The following ANO7 variants were observed in gnomAD, a reference collection of about 807,000 sequenced individuals.
ANO7 encodes the protein anoctamin-7.
ANO7 carries 114 observed loss-of-function variants against 115.8 expected under a neutral mutation model. The observed-to-expected ratio is 0.98, with a 90% CI of 0.85 to 1.15. ANO7 has a LOEUF of 1.15. Ranked by LOEUF, ANO7 falls within the 50% of genes most tolerant of loss-of-function variation. The probability of loss-of-function intolerance (pLI) is 0.00; values close to 1 mark genes in which losing one functional copy is unlikely to be tolerated. For missense variants in ANO7, 1,302 were observed against 1,201.2 expected, an observed-to-expected ratio of 1.08 and a Z score of -1.24; for synonymous variants, 550 against 498.2, an observed-to-expected ratio of 1.10 and a Z score of -1.38.
At chr2:241,230,139 CCA>C (rs755268362), downstream of ANO7, 14 of 1,604,784 alleles carry the variant, frequency 8.7e-6, no homozygotes, top group South Asian at 1.1e-5. This position sits in a 1 kb window ranked among gnomAD's most constrained non-coding sequence, Gnocchi z 5.0. Context: ...GCTCCAAGGC[CCA>C]CAGAGACTCA....
the ANO7 span, among the ~76,000 whole-genome samples, chr2:241,234,429 C>T: frequency 6.6e-6 from 1 of 152,346 alleles, no homozygotes; most frequent in South Asian, 2.1e-4. Flanking sequence ...CTGCAGGAGA[C>T]AACCCAGAGT....
At chr2:241,196,284 TC>T in intron 4 of ANO7, 1 of 643,702 alleles carries the variant, frequency 1.6e-6, no homozygotes, top group Non-Finnish European at 2.0e-6. Context: ...AAGCAACAGG[TC>T]CGGGGAGCGT....
chr2:241,234,648 G>A, the ANO7 span, among the ~76,000 whole-genome samples: 15 of 152,198 alleles, frequency 9.9e-5, no homozygotes, highest in East Asian at 3.8e-4. Context: ...GAGGCTGGGC[G>A]TCTGCAGCGC....
At chr2:241,199,051 G>A (rs2149142633) in intron 4 of ANO7, 1 of 456,734 alleles carries the variant, frequency 2.2e-6, no homozygotes, top group Non-Finnish European at 4.1e-6. Flanking sequence ...AGGGGAGGCT[G>A]CAGGTGACGC....
chr2:241,214,363 G>A (rs779441693), intron 17 of ANO7, among the ~76,000 whole-genome samples: 8 of 152,194 alleles, frequency 5.3e-5, no homozygotes, highest in Non-Finnish European at 1.0e-4. Context: ...CCATCTGGAG[G>A]GAAGGTGCCC....
At chr2:241,235,193 A>G in the ANO7 span, 1 of 1,614,190 alleles carries the variant, frequency 6.2e-7, no homozygotes, top group East Asian at 2.2e-5. Context: ...CCAAATTTGC[A>G]GCGAGGCCCG....
chr2:241,217,541 A>G, intron 19 of ANO7, 145 bp from the exon 20 acceptor site: 1 of 952,896 alleles, frequency 1.0e-6, no homozygotes, highest in Non-Finnish European at 1.6e-6. Context: ...GCGGTCCAGG[A>G]CGAGGGAGAC....
At chr2:241,233,292 C>T in the ANO7 span, among the ~76,000 whole-genome samples, 3 of 152,116 alleles carry the variant, frequency 2.0e-5, no homozygotes, top group Non-Finnish European at 2.9e-5. The surrounding 1 kb of genome is among the most constrained non-coding windows in gnomAD (Gnocchi z 4.3). Flanking sequence ...ATGGGGCTGC[C>T]TTTCATTTTG....
intron 6 of ANO7, 36 bp downstream of exon 6, chr2:241,200,261 A>G (rs1160495351): frequency 2.5e-6 from 4 of 1,599,328 alleles, no homozygotes; most frequent in Non-Finnish European, 2.6e-6. Flanking sequence ...AGGAAAGAAC[A>G]GGAGTGAGTG....
In ANO7 at chr2:241,189,763, C is replaced by T. The variant is rs73114145; in HGVS notation, c.-7-294C>T. On this transcript the variant is annotated intron_variant, in intron 1 of 24. Coordinates refer to ENST00000674324, the MANE Select transcript of ANO7 (RefSeq NM_001370694.2). ...CCACTGAGTACCCAGGCAGAGTGGA[C>T]GGCATTCAGGGCTGGGGGACACGGG... Among the ~76,000 whole-genome samples the T allele has an allele frequency of 6.6e-3, 1,008 of 152,256 alleles. 15 individuals carry two copies. The highest frequency in any genetic ancestry group is 0.023 in the African/African-American group (975 of 41,526).
At chr2:241,238,861 T>G in the ANO7 span, 35 of 1,240,480 alleles carry the variant, frequency 2.8e-5, 2 homozygotes, top group South Asian at 6.0e-4. This position sits in a 1 kb window ranked among gnomAD's most constrained non-coding sequence, Gnocchi z 4.9. Context: ...ACAGCACTCT[T>G]CACACCACCT....
chr2:241,199,163 G>A (rs961900512), intron 4 of ANO7, 153 bp from the exon 5 acceptor site: 1 of 695,550 alleles, frequency 1.4e-6, no homozygotes, highest in Non-Finnish European at 2.5e-6. Flanking sequence ...ATCCATGGGA[G>A]TAGGTGTCAT....
intron 4 of ANO7, among the ~76,000 whole-genome samples, chr2:241,196,690 A>G (rs1269786193): frequency 6.6e-6 from 1 of 152,230 alleles, no homozygotes; most frequent in Non-Finnish European, 1.5e-5. Context: ...CCATATGGCC[A>G]GTGACTGCTG....
rs1559461731 is a variant in ANO7, at chr2:241,225,538, C to G, written c.*1385C>G. On this transcript the variant is annotated 3_prime_UTR_variant, in exon 25 of 25. Coordinates refer to ENST00000674324, the MANE Select transcript of ANO7 (RefSeq NM_001370694.2). ...AGACTCCGTCTCGGGAACACACACA[C>G]ACAAAAAGAATATGTGGTTTTAATG... Among the ~76,000 whole-genome samples the G allele has an allele frequency of 6.6e-6, 1 of 152,070 alleles. No individual in the cohort carries two copies. The highest frequency in any genetic ancestry group is 1.5e-5 in the Non-Finnish European group (1 of 67,968).
At chr2:241,231,061 T>C in the ANO7 span, 1 of 848,694 alleles carries the variant, frequency 1.2e-6, no homozygotes, top group Non-Finnish European at 1.9e-6. Flanking sequence ...GAAAGCAACG[T>C]CACGGCTGAT....
chr2:241,217,584 G>A (rs1444339667), intron 19 of ANO7, 102 bp from the exon 20 acceptor site: 8 of 1,316,446 alleles, frequency 6.1e-6, no homozygotes, highest in Non-Finnish European at 6.2e-6. Flanking sequence ...CCGCGATGGG[G>A]TGGCGGCACC....
chr2:241,219,481 T>A (rs555484019), intron 21 of ANO7, among the ~76,000 whole-genome samples: 3 of 152,102 alleles, frequency 2.0e-5, no homozygotes, highest in Admixed American at 6.5e-5. Flanking sequence ...TTGTTTTTTT[T>A]ATTATTATTC....
chr2:241,234,230 G>C, the ANO7 span, among the ~76,000 whole-genome samples: 1 of 152,222 alleles, frequency 6.6e-6, no homozygotes, highest in East Asian at 1.9e-4. Context: ...ATCGTGCTCA[G>C]GAACTGACAG....
intron 3 of ANO7, among the ~76,000 whole-genome samples, chr2:241,195,182 C>T (rs1022864716): frequency 6.6e-6 from 1 of 152,166 alleles, no homozygotes; most frequent in Admixed American, 6.5e-5. Flanking sequence ...CTCTATTGCC[C>T]TCCCTGTCGT....
Sources: allele counts gnomAD v4.1 joint callset (sites outside exome capture counted in the v4.1 genomes callset), GRCh38; gene constraint gnomAD v4.1.1; non-coding constraint Gnocchi (gnomAD v3.1); transcripts MANE v1.5; gene names NCBI Gene and HGNC (gene_info 2026-07-23, HGNC 2026-07-21).